The following CHAT variants were observed in gnomAD, a reference collection of about 807,000 sequenced individuals.
CHAT encodes the protein acetyl CoA:choline O-acetyltransferase.
CHAT carries 61 observed loss-of-function variants against 76.9 expected under a neutral mutation model. The ratio of observed to expected loss-of-function variants is 0.79; its 90% confidence interval spans 0.65 to 0.98. The LOEUF (loss-of-function observed/expected upper bound fraction) is 0.98, where lower values mean the gene tolerates loss of function less well. Ranked by LOEUF, CHAT falls within the 50% of genes least tolerant of loss-of-function variation. The probability of loss-of-function intolerance (pLI) is 0.00; values close to 1 mark genes in which losing one functional copy is unlikely to be tolerated. For missense variants in CHAT, 946 were observed against 986.9 expected (o/e 0.96, Z 0.56); for synonymous variants, 407 against 397.4 (o/e 1.02, Z -0.29).
In CHAT at chr10:49,622,085, T is replaced by C. The variant is rs1263445461; in HGVS notation, c.699-12T>C. Reference sequence around the variant, plus strand: ...CTGGGAGGAAGGGCTCAGGCCTCCCTTCTCCCTGCAGGTTTGCAGCCAGCC... The same window carrying C: ...CTGGGAGGAAGGGCTCAGGCCTCCCCTCTCCCTGCAGGTTTGCAGCCAGCC... On this transcript the variant is annotated splice_polypyrimidine_tract_variant and intron_variant, in intron 4 of 14. Coordinates refer to ENST00000337653, the MANE Select transcript of CHAT (RefSeq NM_020549.5). 1.8e-6 allele frequency: 2 copies of C among 1,139,430 alleles called. No homozygotes were observed. Among genetic ancestry groups the C allele is most frequent in the Non-Finnish European group, 2.2e-6 (2 of 921,134 alleles). The allele number at this position is 1,139,430 out of a possible 1,614,324, so 70.6% of individuals were successfully genotyped here. A position where few individuals can be genotyped will look rare whatever the true frequency, so the allele number is the denominator to read the frequency against.
At position 49,614,346 on chromosome 10, in the gene CHAT, G is replaced by T; in HGVS notation, c.157G>T (p.Gly53Trp). The change falls in exon 1 of 15, where the codon GGG (glycine) becomes TGG (tryptophan). Residue 53 changes from glycine (G) to tryptophan (W), a missense_variant. Gly to Trp is a radical substitution (Grantham distance 184). Transcript: ENST00000337653. Reference protein sequence around the residue: ...GDPGDVGGPAGNPGCSPHPRA... With the variant: ...GDPGDVGGPAWNPGCSPHPRA... ...CCCGGGCGACGTCGGAGGCCCTGCC[G>T]GGAACCCAGGCTGCAGCCCCCACCC... 1 of 1,546,540 alleles carries T rather than the reference G, an allele frequency of 6.5e-7. No homozygotes were observed. Among genetic ancestry groups the T allele is most frequent in the Non-Finnish European group, 8.7e-7 (1 of 1,145,776 alleles).
At chr10:49,657,740 G>C (rs530913158) in intron 13 of CHAT, among the ~76,000 whole-genome samples, 2 of 152,292 alleles carry the variant, frequency 1.3e-5, no homozygotes, top group African/African-American at 4.8e-5. Flanking sequence ...CCAAGCAGGA[G>C]ATTAGAAGAT....
intron 7 of CHAT, among the ~76,000 whole-genome samples, chr10:49,630,077 A>G (rs1173606290): frequency 2.0e-5 from 3 of 152,140 alleles, no homozygotes; most frequent in South Asian, 4.2e-4. Context: ...ATTGCCACAC[A>G]TGTTGGGTTA....
intron 5 of CHAT, 97 bp from the exon 6 acceptor site, chr10:49,625,376 T>C: frequency 1.7e-6 from 2 of 1,145,742 alleles, no homozygotes; most frequent in Admixed American, 1.9e-5. Flanking sequence ...CTGTGCCCCA[T>C]TTTGCCTGAT....
chr10:49,611,803 C>T (rs1490669105), upstream of CHAT: 2 of 1,603,324 alleles, frequency 1.2e-6, no homozygotes, highest in African/African-American at 2.7e-5. Context: ...CTACCCACAC[C>T]TGCAGTGGCT....
chr10:49,616,203 G>A, intron 1 of CHAT: 1 of 1,114,826 alleles, frequency 9.0e-7, no homozygotes, highest in Non-Finnish European at 1.4e-6. Context: ...AGCAACCCCT[G>A]GTGGATTTGG....
intron 6 of CHAT, 43 bp downstream of exon 6, chr10:49,625,696 C>T (rs1381762912): frequency 6.5e-7 from 1 of 1,535,092 alleles, no homozygotes; most frequent in Non-Finnish European, 8.8e-7. Flanking sequence ...ACAGAGCATA[C>T]AGTGGCCATG....
intron 5 of CHAT, among the ~76,000 whole-genome samples, chr10:49,624,573 C>A (rs1472910266): frequency 6.6e-6 from 1 of 152,236 alleles, no homozygotes; most frequent in East Asian, 1.9e-4. Context: ...TACTCCCTAC[C>A]TACACATCCT....
At position 49,667,608 on chromosome 10, in the gene CHAT, G is replaced by A. The variant is rs1208436030; in HGVS notation, c.*2562G>A. ...GAGCCATGGCCAAGGGCATCTCTGCGGGGACCCTGGGAAAGGAGCCTGCTC... is the reference window on the plus strand; with the variant it reads ...GAGCCATGGCCAAGGGCATCTCTGCAGGGACCCTGGGAAAGGAGCCTGCTC... On this transcript the variant is annotated 3_prime_UTR_variant, in exon 15 of 15. Transcript: ENST00000337653. 2.0e-5 allele frequency among the ~76,000 whole-genome samples: 3 copies of A among 152,208 alleles called. No individual in the cohort carries two copies. The highest frequency in any genetic ancestry group is 4.4e-5 in the Non-Finnish European group (3 of 68,040).
At chr10:49,637,078 T>C (rs1178108840) in intron 7 of CHAT, among the ~76,000 whole-genome samples, 1 of 152,004 alleles carries the variant, frequency 6.6e-6, no homozygotes, top group African/African-American at 2.4e-5. Context: ...ATTTGATTGA[T>C]CTTTTAAAAT....
In CHAT at chr10:49,649,419, C is replaced by T. The variant is rs2054158106; in HGVS notation, c.1383-89C>T. Reference sequence around the variant, plus strand: ...GAAACTCCATGGCCGCAAACACTGACAGCTAAGATGATTGCACAGAGCAAA... The same window carrying T: ...GAAACTCCATGGCCGCAAACACTGATAGCTAAGATGATTGCACAGAGCAAA... On this transcript the variant is annotated intron_variant, in intron 9 of 14. Coordinates refer to ENST00000337653, the MANE Select transcript of CHAT (RefSeq NM_020549.5). The T allele has an allele frequency of 2.5e-6, 4 of 1,587,394 alleles. No individual in the cohort carries two copies. In the South Asian group the frequency reaches 4.4e-5, roughly 18 times the overall value.
rs116390167 is a variant in CHAT, at chr10:49,619,754, G to C, written c.417G>C (p.Leu139=). 93 of 1,613,406 alleles carry C rather than the reference G, an allele frequency of 5.8e-5. No homozygotes were observed. The East Asian group carries it at 1.4e-3, about 25-fold the overall frequency. ...TGCCCAAACTGCCCGTGCCCCCGCT[G>C]CAGCAGACCCTGGCCACGTACCTGC... is the stretch of plus-strand genomic sequence containing the variant. The part of the protein sequence containing the change: ...SGLPKLPVPP[L]QQTLATYLQC... The change falls in exon 3 of 15, where the codon CTG becomes CTC. Residue 139 remains leucine, a synonymous_variant. Coordinates refer to ENST00000337653, the MANE Select transcript of CHAT (RefSeq NM_020549.5).
At chr10:49,663,111 T>A (rs760415847) in intron 14 of CHAT, among the ~76,000 whole-genome samples, 1 of 152,006 alleles carries the variant, frequency 6.6e-6, no homozygotes, top group Non-Finnish European at 1.5e-5. Context: ...GTGCCTGAAG[T>A]CCCAGCTACT....
chr10:49,616,283 C>T (rs919763537), intron 1 of CHAT, among the ~76,000 whole-genome samples: 3 of 152,144 alleles, frequency 2.0e-5, no homozygotes, highest in Admixed American at 6.5e-5. Context: ...ACTTTAGGAA[C>T]CACTCTCTCC....
At chr10:49,649,082 C>G (rs553710606) in intron 9 of CHAT, among the ~76,000 whole-genome samples, 4 of 152,324 alleles carry the variant, frequency 2.6e-5, no homozygotes, top group Non-Finnish European at 5.9e-5. Context: ...TACCCATTCT[C>G]TCCTAGAATC....
chr10:49,654,385 T>C (rs1839970125), intron 11 of CHAT, among the ~76,000 whole-genome samples: 1 of 152,224 alleles, frequency 6.6e-6, no homozygotes, highest in Non-Finnish European at 1.5e-5. Context: ...CTCTCCAAGC[T>C]CTGTGTCTTT....
Position 49,662,707 on chromosome 10 carries a change from G to A in CHAT, c.1902G>A (p.Met634Ile), listed in dbSNP as rs747198406. The stretch of plus-strand genomic sequence containing the variant: ...CACTGCGGGAGCTGGCCCGGGCCAT[G>A]TGCAAGGAGCTGCCCGAGATGTTCA... ...LLALRELARA[M>I]CKELPEMFMD... is the part of the protein sequence containing the mutation. Residue 634 changes from methionine (M) to isoleucine (I), a missense_variant, in exon 14 of 15, where the codon ATG (methionine) becomes ATA (isoleucine). Coordinates refer to ENST00000337653, the MANE Select transcript of CHAT (RefSeq NM_020549.5). The A allele has an allele frequency of 6.2e-7, 1 of 1,614,240 alleles. No homozygotes were observed. Among genetic ancestry groups the A allele is most frequent in the Non-Finnish European group, 8.5e-7 (1 of 1,180,040 alleles).
At chr10:49,643,667 C>T (rs1190959790) in intron 7 of CHAT, among the ~76,000 whole-genome samples, 1 of 152,176 alleles carries the variant, frequency 6.6e-6, no homozygotes, top group Non-Finnish European at 1.5e-5. Context: ...TCATGAAGCT[C>T]AAAGCCTCAA....
At chr10:49,623,326 T>G in intron 5 of CHAT, among the ~76,000 whole-genome samples, 1 of 152,122 alleles carries the variant, frequency 6.6e-6, no homozygotes, top group East Asian at 1.9e-4. Flanking sequence ...GTGTGCACAC[T>G]CACACAGACA....
Sources: allele counts gnomAD v4.1 joint callset (sites outside exome capture counted in the v4.1 genomes callset), GRCh38; gene constraint gnomAD v4.1.1; transcripts MANE v1.5; gene names NCBI Gene and HGNC (gene_info 2026-07-23, HGNC 2026-07-21).